The following KSR1 variants were observed in gnomAD, a reference collection of about 807,000 sequenced individuals.
KSR1 encodes kinase suppressor of ras 1.
KSR1 carries 35 observed loss-of-function variants against 92.9 expected under a neutral mutation model. That is an observed-to-expected ratio of 0.38 (90% CI 0.29 to 0.50). The LOEUF is 0.50. Ranked by LOEUF, KSR1 falls within the 20% of genes least tolerant of loss-of-function variation. The pLI is 0.94. For synonymous variants in KSR1, 467 were observed against 472.6 expected, an observed-to-expected ratio of 0.99 and a Z score of 0.15; for missense variants, 972 against 1,158.5, an observed-to-expected ratio of 0.84 and a Z score of 2.34.
At chr17:27,461,073 T>A (rs2019410536) in intron 1 of KSR1, among the ~76,000 whole-genome samples, 1 of 151,942 alleles carries the variant, frequency 6.6e-6, no homozygotes, top group African/African-American at 2.4e-5. Flanking sequence ...TTTGTTTTGT[T>A]TTTTGTTTTT....
In KSR1 at chr17:27,572,378, G is replaced by A. The variant is rs1422090074; in HGVS notation, c.373-5114G>A. The stretch of plus-strand genomic sequence containing the variant: ...GATGGATTGGGCATCTCCTATGATG[G>A]TCTGGGCATCCATGTCTTCCGTTTT... On this transcript the variant is annotated intron_variant, in intron 2 of 20. Coordinates refer to ENST00000644974, the MANE Select transcript of KSR1 (RefSeq NM_001394583.1). 3.9e-5 allele frequency among the ~76,000 whole-genome samples: 6 copies of A among 152,356 alleles called. No homozygotes were observed. In the East Asian group the frequency reaches 1.2e-3, roughly 29 times the overall value.
intron 1 of KSR1, among the ~76,000 whole-genome samples, chr17:27,522,817 A>G (rs1169116930): frequency 6.6e-6 from 1 of 152,230 alleles, no homozygotes; most frequent in East Asian, 1.9e-4. Flanking sequence ...CTGGCTGCCC[A>G]GCTAGGTTGC....
At chr17:27,522,935 G>GA (rs1309622090) in intron 1 of KSR1, among the ~76,000 whole-genome samples, 3 of 151,802 alleles carry the variant, frequency 2.0e-5, no homozygotes, top group African/African-American at 4.8e-5. Flanking sequence ...TACTAAGAAA[G>GA]AAAAAAAGGA....
At chr17:27,565,183 A>C (rs1380489264) in intron 2 of KSR1, among the ~76,000 whole-genome samples, 1 of 152,224 alleles carries the variant, frequency 6.6e-6, no homozygotes. Flanking sequence ...TACTCAAAGG[A>C]AACACTGTAA....
chr17:27,588,575 G>A (rs750805164), intron 6 of KSR1, 40 bp downstream of exon 6: 65 of 1,544,536 alleles, frequency 4.2e-5, no homozygotes, highest in Non-Finnish European at 4.7e-5. Context: ...GGGCACAGCC[G>A]GGCTGGTACC....
intron 11 of KSR1, among the ~76,000 whole-genome samples, chr17:27,603,178 G>T (rs550371397): frequency 6.6e-6 from 1 of 152,170 alleles, no homozygotes; most frequent in South Asian, 2.1e-4. Context: ...GCCAAAACTG[G>T]GAACACCCCA....
At chr17:27,600,892 A>G (rs770139135) in intron 10 of KSR1, among the ~76,000 whole-genome samples, 10 of 152,192 alleles carry the variant, frequency 6.6e-5, no homozygotes, top group Non-Finnish European at 1.0e-4. Flanking sequence ...CCAGAACCCC[A>G]GTGTATCCTT....
chr17:27,623,456 A>G lies in KSR1; in HGVS notation c.*64A>G. On this transcript the variant is annotated 3_prime_UTR_variant, in exon 21 of 21. Transcript: ENST00000644974. ...TAAAATGTGTTTCTGAAACATCCCAACAACCACCACGACAAAAAAACACTG... is the reference window on the plus strand; with the variant it reads ...TAAAATGTGTTTCTGAAACATCCCAGCAACCACCACGACAAAAAAACACTG... 1.4e-6 allele frequency: 1 copy of G among 714,918 alleles called. No homozygotes were observed. Among genetic ancestry groups the G allele is most frequent in the South Asian group, 1.5e-5 (1 of 68,520 alleles). The allele number at this position is 714,918 out of a possible 1,614,324, so 44.3% of individuals were successfully genotyped here.
Position 27,621,779 on chromosome 17 carries a change from G to A in KSR1, c.2708+506G>A, listed in dbSNP as rs569247840. 33 of 690,096 alleles carry A rather than the reference G, an allele frequency of 4.8e-5. No individual in the cohort carries two copies. The South Asian group carries it at 5.9e-4, about 12-fold the overall frequency. 42.7% of individuals were successfully genotyped at this position (690,096 alleles called of 1,614,324 possible). On this transcript the variant is annotated intron_variant, in intron 20 of 20. Coordinates refer to ENST00000644974, the MANE Select transcript of KSR1 (RefSeq NM_001394583.1). ...GAGCATGCAGTGCAGCCAAGCCTGGGGGATGGAGTCCAGGATGGCCCTTTC... is the reference window on the plus strand; with the variant it reads ...GAGCATGCAGTGCAGCCAAGCCTGGAGGATGGAGTCCAGGATGGCCCTTTC...
At chr17:27,607,284 A>G (rs2073784642) in intron 14 of KSR1, among the ~76,000 whole-genome samples, 1 of 152,132 alleles carries the variant, frequency 6.6e-6, no homozygotes, top group African/African-American at 2.4e-5. Flanking sequence ...ATTTTCCTAA[A>G]AACATAGTCC....
At chr17:27,558,878 CT>C (rs1465822444) in intron 2 of KSR1, among the ~76,000 whole-genome samples, 2 of 152,098 alleles carry the variant, frequency 1.3e-5, no homozygotes, top group Admixed American at 1.3e-4. Flanking sequence ...GGATTTGTCC[CT>C]TCAGTCACTT....
chr17:27,576,322 A>G (rs535854998), intron 2 of KSR1, among the ~76,000 whole-genome samples: 2 of 152,192 alleles, frequency 1.3e-5, no homozygotes, highest in East Asian at 1.9e-4. Flanking sequence ...ATATATATAT[A>G]TGATGTATAC....
At chr17:27,482,473 C>T (rs555410277) in intron 1 of KSR1, among the ~76,000 whole-genome samples, 2 of 152,194 alleles carry the variant, frequency 1.3e-5, no homozygotes, top group African/African-American at 4.8e-5. Flanking sequence ...ACATGAGTCT[C>T]GGCACTGGAG....
intron 9 of KSR1, 41 bp from the exon 10 acceptor site, chr17:27,597,227 C>T (rs2073373481): frequency 1.3e-6 from 2 of 1,548,128 alleles, no homozygotes; most frequent in Non-Finnish European, 1.7e-6. Flanking sequence ...GCAGGTGGGG[C>T]CAGGACAGCC....
chr17:27,541,097 G>T (rs990398957), intron 1 of KSR1, among the ~76,000 whole-genome samples: 4 of 152,258 alleles, frequency 2.6e-5, no homozygotes, highest in African/African-American at 9.6e-5. Context: ...GCATCCTGAA[G>T]TTCGGGATGG....
At chr17:27,468,490 A>G (rs2019818591) in intron 1 of KSR1, among the ~76,000 whole-genome samples, 1 of 152,052 alleles carries the variant, frequency 6.6e-6, no homozygotes, top group African/African-American at 2.4e-5. Flanking sequence ...TGGCCTCCCA[A>G]AGTGCTGGGA....
At chr17:27,504,010 G>T (rs1162501493) in intron 1 of KSR1, among the ~76,000 whole-genome samples, 2 of 152,228 alleles carry the variant, frequency 1.3e-5, no homozygotes, top group African/African-American at 2.4e-5. Context: ...ATTTGGATTA[G>T]GCAGGTGGGT....
intron 19 of KSR1, among the ~76,000 whole-genome samples, chr17:27,619,673 A>G (rs957759264): frequency 6.6e-6 from 1 of 151,720 alleles, no homozygotes; most frequent in African/African-American, 2.4e-5. Context: ...CTGGGATTAC[A>G]GTCGTGAGCC....
chr17:27,607,502 TATA>T (rs1266456113), intron 14 of KSR1, among the ~76,000 whole-genome samples: 1 of 152,078 alleles, frequency 6.6e-6, no homozygotes, highest in Non-Finnish European at 1.5e-5. Flanking sequence ...AAATGAAAAC[TATA>T]ATGAGATTCT....
Sources: allele counts gnomAD v4.1 joint callset (sites outside exome capture counted in the v4.1 genomes callset), GRCh38; gene constraint gnomAD v4.1.1; transcripts MANE v1.5; gene names NCBI Gene and HGNC (gene_info 2026-07-23, HGNC 2026-07-21).